ATAD2B: variants seen among roughly 807,000 people sequenced by gnomAD.
ATAD2B encodes the protein ATPase family AAA domain containing 2B.
In ATAD2B, 40 loss-of-function variants were observed where a neutral mutation model predicts 167.6. The observed-to-expected ratio is 0.24, with a 90% CI of 0.19 to 0.31. The LOEUF is 0.31. ATAD2B is among the 10% of genes least tolerant of loss of function. The pLI, the probability that ATAD2B is intolerant of heterozygous loss-of-function variation, is 1.00. For synonymous variants in ATAD2B, 579 were observed against 596.5 expected (o/e 0.97, Z 0.43); for missense variants, 1,242 against 1,757.2 (o/e 0.71, Z 5.24).
chr2:23,861,479 A>T (rs747699517), intron 12 of ATAD2B, among the ~76,000 whole-genome samples: 178 of 110,366 alleles, frequency 1.6e-3, no homozygotes, highest in African/African-American at 5.1e-3. Flanking sequence ...ATCTTTCATT[A>T]AAAAAAAAAA....
chr2:23,863,535 G>A lies in ATAD2B; in HGVS notation c.1325C>T (p.Pro442Leu). The change falls in exon 12 of 28, where the codon CCT (proline) becomes CTT (leucine). Residue 442 changes from proline to leucine, a missense_variant. Pro to Leu is a moderately conservative substitution (Grantham distance 98, BLOSUM62 -3). Around this residue, in one of 9 missense-constraint regions of ATAD2B, gnomAD observed 151 missense variants for 284.1 expected, o/e 0.53. Transcript: ENST00000238789. ...QPPRGCLFYG[P>L]PGTGKTLVAR... Reference sequence around the variant, plus strand: ...AACCAAGGTTTTACCTGTGCCAGGAGGGCCATAAAACAAACAGCCCCTAGA... The same window carrying A: ...AACCAAGGTTTTACCTGTGCCAGGAAGGCCATAAAACAAACAGCCCCTAGA... 3 of 1,571,954 alleles carry A rather than the reference G, an allele frequency of 1.9e-6. No homozygotes were observed. The highest frequency in any genetic ancestry group is 1.4e-5 in the African/African-American group (1 of 73,842).
At chr2:23,758,289 G>A (rs1441631721) in intron 24 of ATAD2B, among the ~76,000 whole-genome samples, 188 bp from the exon 25 acceptor site, 2 of 152,152 alleles carry the variant, frequency 1.3e-5, no homozygotes, top group African/African-American at 4.8e-5. Context: ...TGAAGTCAGG[G>A]ATGAACTCTG....
At chr2:23,820,924 T>C (rs2149633855) in intron 16 of ATAD2B, among the ~76,000 whole-genome samples, 1 of 152,088 alleles carries the variant, frequency 6.6e-6, no homozygotes, top group African/African-American at 2.4e-5. Flanking sequence ...ACTCCAGCCT[T>C]GGTGACAGAG....
intron 7 of ATAD2B, among the ~76,000 whole-genome samples, chr2:23,877,022 G>A (rs371428193): frequency 4.1e-5 from 6 of 145,398 alleles, no homozygotes; most frequent in South Asian, 4.4e-4. Context: ...AGCCAAGATC[G>A]TGCCACTGAA....
intron 4 of ATAD2B, among the ~76,000 whole-genome samples, chr2:23,886,836 C>T (rs1357619376): frequency 6.6e-6 from 1 of 150,774 alleles, no homozygotes; most frequent in Admixed American, 6.7e-5. Flanking sequence ...GAGGCTGAGG[C>T]ATGAGAATGG....
the ATAD2B span, chr2:23,689,525 T>TGTGCTC: frequency 1.3e-5 from 2 of 152,402 alleles, no homozygotes; most frequent in Non-Finnish European, 2.9e-5. Context: ...TGCGTGTGCA[T>TGTGCTC]GTGCTCGCAC....
chr2:23,879,825 T>A (rs181040916), intron 7 of ATAD2B, among the ~76,000 whole-genome samples: 3 of 151,842 alleles, frequency 2.0e-5, no homozygotes, highest in East Asian at 3.9e-4. Context: ...GAGGCCAAGG[T>A]GGGCCAATCA....
intron 2 of ATAD2B, among the ~76,000 whole-genome samples, chr2:23,892,502 C>T (rs1699678122): frequency 6.8e-6 from 1 of 147,524 alleles, no homozygotes; most frequent in African/African-American, 2.5e-5. Flanking sequence ...GACAGAGTCT[C>T]ACTCTGTCAT....
intron 13 of ATAD2B, among the ~76,000 whole-genome samples, chr2:23,840,683 A>G (rs1419870738): frequency 2.6e-5 from 4 of 152,208 alleles, no homozygotes; most frequent in Non-Finnish European, 4.4e-5. Context: ...TCCATTCTAT[A>G]TTTGTCTTAG....
intron 16 of ATAD2B, among the ~76,000 whole-genome samples, chr2:23,820,616 G>A (rs974508702): frequency 2.0e-5 from 3 of 152,096 alleles, no homozygotes; most frequent in Non-Finnish European, 2.9e-5. Flanking sequence ...ATATGAGAGA[G>A]AATTAAGATT....
At chr2:23,899,493 G>T (rs944115154) in intron 1 of ATAD2B, among the ~76,000 whole-genome samples, 1 of 152,258 alleles carries the variant, frequency 6.6e-6, no homozygotes, top group Admixed American at 6.5e-5. Context: ...TCAGCACAGG[G>T]TGGAAAATCA....
At position 23,816,355 on chromosome 2, in the gene ATAD2B, G is replaced by A. The variant is rs111703050; in HGVS notation, c.2267+3392C>T. Among the ~76,000 whole-genome samples the A allele has an allele frequency of 5.6e-3, 859 of 152,168 alleles. 11 individuals are homozygous for A. The highest frequency in any genetic ancestry group is 0.018 in the African/African-American group (754 of 41,528). ...TGTAAAGATGTATACTTAGAAACAAGTCTATTGTTCATAAAAGAAGAAACT... is the reference window on the plus strand; with the variant it reads ...TGTAAAGATGTATACTTAGAAACAAATCTATTGTTCATAAAAGAAGAAACT... On this transcript the variant is annotated intron_variant, in intron 17 of 27. Coordinates refer to ENST00000238789, the MANE Select transcript of ATAD2B (RefSeq NM_017552.4).
rs1675774276 is a variant in ATAD2B, at chr2:23,754,876, G to A, written c.4079-102C>T. On this transcript the variant is annotated intron_variant, in intron 25 of 27. Coordinates refer to ENST00000238789, the MANE Select transcript of ATAD2B (RefSeq NM_017552.4). ...TTACCTACCACACAAATCCCTTTTG[G>A]AATGAGGAAGGGTGTATTCTTAAGT... 4 of 1,207,266 alleles carry A rather than the reference G, an allele frequency of 3.3e-6. No individual in the cohort carries two copies. In the East Asian group the frequency reaches 7.3e-5, roughly 22 times the overall value. The allele number at this position is 1,207,266 out of a possible 1,614,324, so 74.8% of individuals were successfully genotyped here. A position where few individuals can be genotyped will look rare whatever the true frequency, so the allele number is the denominator to read the frequency against.
intron 18 of ATAD2B, among the ~76,000 whole-genome samples, chr2:23,807,417 T>A (rs1684588635): frequency 6.6e-6 from 1 of 152,192 alleles, no homozygotes; most frequent in Non-Finnish European, 1.5e-5. Flanking sequence ...AAAGAGTTGA[T>A]CAGAAGACTG....
chr2:23,737,362 G>A, the ATAD2B span, among the ~76,000 whole-genome samples: 3 of 152,124 alleles, frequency 2.0e-5, no homozygotes, highest in Non-Finnish European at 4.4e-5. Flanking sequence ...CCAGAGGAAC[G>A]ATCAGGCAGC....
intron 24 of ATAD2B, among the ~76,000 whole-genome samples, chr2:23,761,298 CA>C (rs1272567587): frequency 6.6e-6 from 1 of 152,164 alleles, no homozygotes; most frequent in Non-Finnish European, 1.5e-5. Context: ...AATTCAATGC[CA>C]CTGGTGAAAC....
intron 8 of ATAD2B, among the ~76,000 whole-genome samples, chr2:23,871,278 T>A (rs1185653144): frequency 6.6e-6 from 1 of 151,118 alleles, no homozygotes; most frequent in Non-Finnish European, 1.5e-5. Context: ...CACCCTCAGC[T>A]CTGCTTTACT....
At chr2:23,758,415 G>A (rs111611393) in intron 24 of ATAD2B, among the ~76,000 whole-genome samples, 61 of 152,164 alleles carry the variant, frequency 4.0e-4, no homozygotes, top group African/African-American at 1.4e-3. Context: ...CAAAAGCCAC[G>A]CATATAATAT....
intron 1 of ATAD2B, among the ~76,000 whole-genome samples, chr2:23,907,966 T>C (rs1176941298): frequency 6.6e-6 from 1 of 152,050 alleles, no homozygotes; most frequent in Admixed American, 6.6e-5. Context: ...ATCCCTTCCT[T>C]ACACCTTATA....
Sources: allele counts gnomAD v4.1 joint callset (sites outside exome capture counted in the v4.1 genomes callset), GRCh38; gene constraint gnomAD v4.1.1; regional missense constraint gnomAD v4.1.1; transcripts MANE v1.5; gene names NCBI Gene and HGNC (gene_info 2026-07-23, HGNC 2026-07-21).